Variants in SSBP3 observed in about 807,000 individuals in gnomAD.
SSBP3 encodes the protein single-stranded DNA-binding protein 3.
A neutral mutation model predicts 69.6 loss-of-function variants in SSBP3; 5 were observed. The ratio of observed to expected loss-of-function variants is 0.07; its 90% confidence interval spans 0.04 to 0.15. The LOEUF (loss-of-function observed/expected upper bound fraction) is 0.15, where lower values mean the gene tolerates loss of function less well. SSBP3 is among the 10% of genes least tolerant of loss of function. The pLI is 1.00. For missense variants in SSBP3, 312 were observed against 534.0 expected (o/e 0.58, Z 4.10); for synonymous variants, 196 against 193.4 (o/e 1.01, Z -0.11).
intron 4 of SSBP3, among the ~76,000 whole-genome samples, chr1:54,320,839 G>A (rs573193818): frequency 1.3e-5 from 2 of 152,312 alleles, no homozygotes; most frequent in South Asian, 4.1e-4. Flanking sequence ...GCAGCAACTA[G>A]AACAGTGCCT....
rs1648539168 is a variant in SSBP3, at chr1:54,392,047, T to C, written c.276+9814A>G. The stretch of plus-strand genomic sequence containing the variant: ...CTCTCCTCCCGCGCCCACTCCAGAG[T>C]GGTCCAGGCCACAGTCCCACCCCCT... On this transcript the variant is annotated intron_variant, in intron 4 of 17. Coordinates refer to ENST00000610401, the Ensembl canonical transcript of SSBP3. 2.0e-5 allele frequency among the ~76,000 whole-genome samples: 3 copies of C among 151,562 alleles called. No homozygotes were observed. In the South Asian group the frequency reaches 6.2e-4, roughly 31 times the overall value.
intron 14 of SSBP3, among the ~76,000 whole-genome samples, chr1:54,233,554 C>G (rs546025233): frequency 7.1e-6 from 1 of 141,008 alleles, no homozygotes; most frequent in Non-Finnish European, 1.6e-5. Context: ...GTAAGCCCCC[C>G]GCCCGGCCAG....
chr1:54,227,845 G>A (rs575353300), intron 17 of SSBP3, among the ~76,000 whole-genome samples: 1 of 152,236 alleles, frequency 6.6e-6, no homozygotes, highest in South Asian at 2.1e-4. Context: ...TTCTTCAAAT[G>A]AGAATGCACA....
intron 4 of SSBP3, among the ~76,000 whole-genome samples, chr1:54,397,343 C>A (rs1266760503): frequency 2.0e-5 from 3 of 152,210 alleles, no homozygotes; most frequent in African/African-American, 7.2e-5. Flanking sequence ...CTCAGCACAT[C>A]CAAGGAGAGC....
chr1:54,293,132 A>G (rs1367503120), intron 4 of SSBP3, among the ~76,000 whole-genome samples: 1 of 152,172 alleles, frequency 6.6e-6, no homozygotes, highest in Non-Finnish European at 1.5e-5. Flanking sequence ...CTAAAGGGCA[A>G]GGCGGGGCTG....
chr1:54,313,710 A>C (rs1646047144), intron 4 of SSBP3, among the ~76,000 whole-genome samples: 3 of 151,964 alleles, frequency 2.0e-5, no homozygotes, highest in Admixed American at 1.3e-4. Flanking sequence ...CTCAGAGTCA[A>C]GATAGCTAAG....
At chr1:54,286,808 G>A (rs1236056347) in intron 4 of SSBP3, 1 of 152,258 alleles carries the variant, frequency 6.6e-6, no homozygotes, top group African/African-American at 2.4e-5. Flanking sequence ...TTTCTGCTCT[G>A]GGCAATGGCG....
In SSBP3 at chr1:54,341,849, CAGGGAGAGAGAGAG is replaced by C. The variant is rs140519246; in HGVS notation, c.276+59998_276+60011del. Reference sequence around the variant, plus strand: ...AATGAGCAGGTACTAACCTGGAGAGCAGGGAGAGAGAGAGGGGGAGAGAAGCACCTTCCACGCAG... The same window carrying C: ...AATGAGCAGGTACTAACCTGGAGAGCGGGGAGAGAAGCACCTTCCACGCAG... On this transcript the variant is annotated intron_variant, in intron 4 of 17. Transcript: ENST00000610401. 6.0e-3 allele frequency among the ~76,000 whole-genome samples: 908 copies of C among 152,018 alleles called. 12 individuals are homozygous for C. Among genetic ancestry groups the C allele is most frequent in the African/African-American group, 0.021 (868 of 41,450 alleles).
chr1:54,331,917 C>T (rs1419975610), intron 4 of SSBP3, among the ~76,000 whole-genome samples: 2 of 152,190 alleles, frequency 1.3e-5, no homozygotes, highest in African/African-American at 4.8e-5. Context: ...TGTCATCTGC[C>T]CTTCCCAACA....
At chr1:54,280,074 G>T (rs917775559) in intron 5 of SSBP3, among the ~76,000 whole-genome samples, 1 of 152,174 alleles carries the variant, frequency 6.6e-6, no homozygotes, top group African/African-American at 2.4e-5. Flanking sequence ...TGCCCCGGAT[G>T]GCCATCCTGC....
intron 9 of SSBP3, among the ~76,000 whole-genome samples, chr1:54,246,513 G>A (rs201802312): frequency 6.6e-6 from 1 of 151,994 alleles, no homozygotes; most frequent in Admixed American, 6.6e-5. Flanking sequence ...TGGGGTGAGA[G>A]GAGATGATAA....
At chr1:54,328,910 G>A (rs531469260) in intron 4 of SSBP3, among the ~76,000 whole-genome samples, 2 of 152,214 alleles carry the variant, frequency 1.3e-5, no homozygotes, top group Non-Finnish European at 2.9e-5. Flanking sequence ...GGGAGCCAGT[G>A]CTTGCCTGTC....
chr1:54,299,039 T>C (rs1280052745), intron 4 of SSBP3, among the ~76,000 whole-genome samples: 1 of 151,296 alleles, frequency 6.6e-6, no homozygotes, highest in Non-Finnish European at 1.5e-5. Flanking sequence ...CCACCCAGGG[T>C]GTGCTGGGGG....
chr1:54,302,068 C>T lies in SSBP3; in HGVS notation c.277-20541G>A, dbSNP rs1039916657. Among the ~76,000 whole-genome samples the T allele has an allele frequency of 5.9e-5, 9 of 152,372 alleles. No individual in the cohort carries two copies. In the East Asian group the frequency reaches 1.7e-3, roughly 29 times the overall value. On this transcript the variant is annotated intron_variant, in intron 4 of 17. Coordinates refer to ENST00000610401, the Ensembl canonical transcript of SSBP3. ...CTGGGTGGGGGTGGGGGGGTACCCC[C>T]ATTCTTTCCAGCCTGGTGCCTGCCA...
chr1:54,244,945 T>C (rs1311196873), intron 9 of SSBP3, among the ~76,000 whole-genome samples: 6 of 152,146 alleles, frequency 3.9e-5, no homozygotes, highest in South Asian at 2.1e-4. Flanking sequence ...TCTCTCCTAG[T>C]GGACTCCAAG....
chr1:54,359,308 G>C (rs185083154), intron 4 of SSBP3, among the ~76,000 whole-genome samples: 69 of 149,102 alleles, frequency 4.6e-4, no homozygotes, highest in African/African-American at 1.5e-3. Flanking sequence ...GTCTAAAACA[G>C]AAATGGGCTA....
chr1:54,373,771 A>C (rs1195229204), intron 4 of SSBP3, among the ~76,000 whole-genome samples: 2 of 147,244 alleles, frequency 1.4e-5, no homozygotes, highest in Non-Finnish European at 3.0e-5. Flanking sequence ...TGTTTCAAGA[A>C]AAAAAAAAAA....
At chr1:54,235,624 C>T (rs923027307) in intron 14 of SSBP3, among the ~76,000 whole-genome samples, 1 of 151,574 alleles carries the variant, frequency 6.6e-6, no homozygotes, top group African/African-American at 2.4e-5. Flanking sequence ...GGCTAATTTT[C>T]GTATTTTTAG....
chr1:54,299,327 G>A (rs1191403936), intron 4 of SSBP3, among the ~76,000 whole-genome samples: 3 of 152,124 alleles, frequency 2.0e-5, no homozygotes, highest in Admixed American at 6.5e-5. Context: ...TGGAAACAAA[G>A]GCGGCAGTCA....
Sources: gnomAD v4.1 joint callset for allele counts (sites outside exome capture counted in the v4.1 genomes callset) on GRCh38, gnomAD v4.1.1 for gene constraint, MANE v1.5 for transcripts, NCBI Gene and HGNC (gene_info 2026-07-23, HGNC 2026-07-21) for gene names.